The following CCSER1 variants were observed in gnomAD, a reference collection of about 807,000 sequenced individuals.
CCSER1 encodes the protein coiled-coil serine rich protein 1.
In CCSER1, 41 loss-of-function variants were observed where a neutral mutation model predicts 82.0. The observed-to-expected ratio is 0.50, with a 90% confidence interval of 0.39 to 0.65. The LOEUF (loss-of-function observed/expected upper bound fraction) is 0.65, where lower values mean the gene tolerates loss of function less well. CCSER1 is among the 30% of genes least tolerant of loss of function. The pLI, the probability that CCSER1 is intolerant of heterozygous loss-of-function variation, is 0.00. For missense variants in CCSER1, 1,119 were observed against 1,064.2 expected, an observed-to-expected ratio of 1.05 and a Z score of -0.72; for synonymous variants, 414 against 383.9, an observed-to-expected ratio of 1.08 and a Z score of -0.92.
intron 3 of CCSER1, among the ~76,000 whole-genome samples, chr4:90,335,865 G>A (rs1336034771): frequency 1.3e-5 from 2 of 152,084 alleles, no homozygotes; most frequent in South Asian, 2.1e-4. Flanking sequence ...TGGTCCTCCC[G>A]CCTTGTCTTT....
chr4:91,200,362 C>A (rs189878774), intron 10 of CCSER1, among the ~76,000 whole-genome samples: 1 of 152,036 alleles, frequency 6.6e-6, no homozygotes, highest in Admixed American at 6.6e-5. Context: ...TCTACAGAAA[C>A]AATTCAGAAG....
chr4:90,502,690 A>C (rs1770096009), intron 5 of CCSER1, among the ~76,000 whole-genome samples: 1 of 152,218 alleles, frequency 6.6e-6, no homozygotes, highest in South Asian at 2.1e-4. Context: ...AGATCGAAGA[A>C]GAGAAAATGC....
intron 10 of CCSER1, among the ~76,000 whole-genome samples, chr4:91,515,404 A>C (rs984928790): frequency 1.3e-5 from 2 of 151,976 alleles, no homozygotes; most frequent in African/African-American, 2.4e-5. Flanking sequence ...TTTCCTTCTA[A>C]GTGTCCATGT....
rs147334091 is a variant in CCSER1 at position 91,102,812 on chromosome 4, C to A, written c.2217+16818C>A. ...ACTCCAGATGGTTGAACTGATTCAGCCTGCTTTTATCAGAAAAGTATTTAT... is the reference window on the plus strand; with the variant it reads ...ACTCCAGATGGTTGAACTGATTCAGACTGCTTTTATCAGAAAAGTATTTAT... On this transcript the variant is annotated intron_variant, in intron 10 of 10. Transcript: ENST00000509176. 2.6e-5 allele frequency among the ~76,000 whole-genome samples: 4 copies of A among 152,262 alleles called. No homozygotes were observed. The East Asian group carries it at 7.7e-4, about 29-fold the overall frequency.
rs1004855645 is a variant in CCSER1 at position 90,446,352 on chromosome 4, T to C, written c.1604-21882T>C. 5.9e-5 allele frequency among the ~76,000 whole-genome samples: 9 copies of C among 152,308 alleles called. No homozygotes were observed. In the East Asian group the frequency reaches 1.2e-3, roughly 20 times the overall value. On this transcript the variant is annotated intron_variant, in intron 4 of 10. Coordinates refer to ENST00000509176, the MANE Select transcript of CCSER1 (RefSeq NM_001145065.2). ...GACATTATGTAGATTATATGACTGTTCATCATTTTGCAAAGTGAAGCCCAT... is the reference window on the plus strand; with the variant it reads ...GACATTATGTAGATTATATGACTGTCCATCATTTTGCAAAGTGAAGCCCAT...
chr4:90,531,795 G>A (rs1168890518), intron 5 of CCSER1, among the ~76,000 whole-genome samples: 1 of 152,060 alleles, frequency 6.6e-6, no homozygotes, highest in Non-Finnish European at 1.5e-5. Flanking sequence ...TTTGCCAGTT[G>A]AGCCTTTTCA....
chr4:90,613,597 G>A (rs559650812), intron 5 of CCSER1, among the ~76,000 whole-genome samples: 1 of 152,192 alleles, frequency 6.6e-6, no homozygotes, highest in East Asian at 1.9e-4. Flanking sequence ...TTTCCAGAAG[G>A]TTTTCAGTTT....
intron 1 of CCSER1, among the ~76,000 whole-genome samples, chr4:90,257,560 GATACATAGATAC>G (rs200193711): frequency 0.011 from 1,645 of 145,076 alleles, 18 homozygotes; most frequent in African/African-American, 0.035. Context: ...TAGATAGATA[GATACATAGATAC>G]ATAGATACAT....
chr4:90,833,692 T>C lies in CCSER1; in HGVS notation c.2094+17847T>C, dbSNP rs373872254. Among the ~76,000 whole-genome samples the C allele has an allele frequency of 3.3e-5, 5 of 152,262 alleles. No homozygotes were observed. The South Asian group carries it at 8.3e-4, about 25-fold the overall frequency. The stretch of plus-strand genomic sequence containing the variant: ...CATTATTCTTAGTAGACAAAATACA[T>C]TTGTAATCTCTCAATTAAACAAACA... On this transcript the variant is annotated intron_variant, in intron 8 of 10. Transcript: ENST00000509176.
intron 1 of CCSER1, among the ~76,000 whole-genome samples, chr4:90,242,074 A>G (rs569016095): frequency 1.3e-5 from 2 of 152,286 alleles, no homozygotes; most frequent in South Asian, 4.1e-4. Flanking sequence ...TTGGAAGCCG[A>G]GGTGGGCAGA....
chr4:91,177,594 A>C (rs1365481410), intron 10 of CCSER1, among the ~76,000 whole-genome samples: 1 of 152,086 alleles, frequency 6.6e-6, no homozygotes, highest in African/African-American at 2.4e-5. Flanking sequence ...TAGATTTTCT[A>C]GTTTATTTAC....
chr4:91,385,827 A>G (rs1751249908), intron 10 of CCSER1, among the ~76,000 whole-genome samples: 1 of 151,970 alleles, frequency 6.6e-6, no homozygotes, highest in Admixed American at 6.6e-5. Context: ...TGTAGAATTT[A>G]GGAAGGCAAG....
intron 7 of CCSER1, among the ~76,000 whole-genome samples, chr4:90,750,322 A>G (rs529258317): frequency 6.6e-6 from 1 of 152,188 alleles, no homozygotes; most frequent in East Asian, 1.9e-4. Flanking sequence ...CTTTCTGTAG[A>G]GAATAAACTC....
At chr4:91,381,599 T>C (rs993028198) in intron 10 of CCSER1, among the ~76,000 whole-genome samples, 3 of 152,206 alleles carry the variant, frequency 2.0e-5, no homozygotes, top group African/African-American at 7.2e-5. Context: ...CTCCATCAGG[T>C]CATTTAAGGA....
intron 10 of CCSER1, among the ~76,000 whole-genome samples, chr4:91,401,799 T>C (rs1476654948): frequency 1.3e-5 from 2 of 152,184 alleles, no homozygotes; most frequent in Admixed American, 6.5e-5. Context: ...CAGTCTATCA[T>C]TGATGGACAT....
intron 10 of CCSER1, among the ~76,000 whole-genome samples, chr4:91,374,213 A>C (rs2149327968): frequency 6.6e-6 from 1 of 152,328 alleles, no homozygotes; most frequent in Middle Eastern, 3.4e-3. Flanking sequence ...CAAATAGCAT[A>C]TTTACAATGT....
intron 10 of CCSER1, among the ~76,000 whole-genome samples, chr4:91,182,706 G>C (rs1734156363): frequency 6.6e-6 from 1 of 152,176 alleles, no homozygotes; most frequent in Non-Finnish European, 1.5e-5. Flanking sequence ...AACTGCAAAA[G>C]ATGACACTTA....
intron 8 of CCSER1, among the ~76,000 whole-genome samples, chr4:90,919,332 A>G (rs1235583169): frequency 6.6e-6 from 1 of 151,864 alleles, no homozygotes; most frequent in East Asian, 1.9e-4. Context: ...AGACCAATAA[A>G]AAAGGTTTTC....
In CCSER1 at chr4:91,438,206, T is replaced by C. The variant is rs1000461231; in HGVS notation, c.2218-160366T>C. Among the ~76,000 whole-genome samples, 25 of 152,270 alleles carry C rather than the reference T, an allele frequency of 1.6e-4. No individual in the cohort carries two copies. In the South Asian group the frequency reaches 4.8e-3, roughly 29 times the overall value. ...AAGTGGGTCCCTGACCCCTGACCCCTGAGCAGCCTAACTGGGAGGCACCCC... is the reference window on the plus strand; with the variant it reads ...AAGTGGGTCCCTGACCCCTGACCCCCGAGCAGCCTAACTGGGAGGCACCCC... On this transcript the variant is annotated intron_variant, in intron 10 of 10. Transcript: ENST00000509176.
Sources: allele counts gnomAD v4.1 joint callset (sites outside exome capture counted in the v4.1 genomes callset), GRCh38; gene constraint gnomAD v4.1.1; transcripts MANE v1.5; gene names NCBI Gene and HGNC (gene_info 2026-07-23, HGNC 2026-07-21).